The following PPM1L variants were observed in gnomAD, a reference collection of about 807,000 sequenced individuals.
PPM1L encodes the protein protein phosphatase, Mg2+/Mn2+ dependent 1L.
In PPM1L, 13 loss-of-function variants were observed where a neutral mutation model predicts 31.4. The observed-to-expected ratio is 0.41, with a 90% CI of 0.27 to 0.66. The LOEUF is 0.66. Ranked by LOEUF, PPM1L falls within the 30% of genes least tolerant of loss-of-function variation. PPM1L has a pLI of 0.29. For synonymous variants in PPM1L, 184 were observed against 175.4 expected (o/e 1.05, Z -0.39); for missense variants, 326 against 453.7 (o/e 0.72, Z 2.56).
chr3:160,833,151 T>G (rs1303474231), intron 1 of PPM1L, among the ~76,000 whole-genome samples: 2 of 152,278 alleles, frequency 1.3e-5, no homozygotes, highest in Non-Finnish European at 2.9e-5. Flanking sequence ...TACCACATTT[T>G]CTTTATCCAG....
intron 1 of PPM1L, among the ~76,000 whole-genome samples, chr3:160,800,508 A>G (rs1712392111): frequency 6.6e-6 from 1 of 152,138 alleles, no homozygotes; most frequent in South Asian, 2.1e-4. Context: ...TGATATCAAG[A>G]ATGTTTTGGA....
intron 1 of PPM1L, among the ~76,000 whole-genome samples, chr3:160,894,908 A>G (rs1473192173): frequency 6.6e-6 from 1 of 152,172 alleles, no homozygotes; most frequent in African/African-American, 2.4e-5. Flanking sequence ...TTCACTTTGT[A>G]TAAACTTAAT....
chr3:161,017,423 A>G (rs1169525988), intron 2 of PPM1L, among the ~76,000 whole-genome samples: 1 of 152,274 alleles, frequency 6.6e-6, no homozygotes, highest in East Asian at 1.9e-4. Context: ...CTTCAGTAGC[A>G]TTTTCATTTC....
chr3:160,913,381 A>G (rs1423796427), intron 1 of PPM1L, among the ~76,000 whole-genome samples: 2 of 152,196 alleles, frequency 1.3e-5, no homozygotes, highest in Admixed American at 6.5e-5. Context: ...TGTTAGCATG[A>G]AACTACTTTT....
At chr3:160,835,803 T>A (rs1713697360) in intron 1 of PPM1L, among the ~76,000 whole-genome samples, 1 of 152,220 alleles carries the variant, frequency 6.6e-6, no homozygotes, top group South Asian at 2.1e-4. Context: ...GGGAATATGA[T>A]CAAGAGTTCT....
chr3:160,967,587 C>T (rs1716196973), intron 2 of PPM1L, among the ~76,000 whole-genome samples: 1 of 152,042 alleles, frequency 6.6e-6, no homozygotes, highest in Non-Finnish European at 1.5e-5. Context: ...CAGCATCCCC[C>T]ACCTCATAAT....
chr3:161,060,505 T>C (rs1719536901), intron 2 of PPM1L, among the ~76,000 whole-genome samples: 1 of 152,072 alleles, frequency 6.6e-6, no homozygotes, highest in African/African-American at 2.4e-5. Flanking sequence ...GAGAACAAAC[T>C]GGAAGGGTTT....
Position 161,069,198 on chromosome 3 carries a change from C to G in PPM1L, c.*41C>G. On this transcript the variant is annotated 3_prime_UTR_variant, in exon 4 of 4. Transcript: ENST00000498165. Reference sequence around the variant, plus strand: ...CAGCTGCCTTAGACTAAAGGACTTTCAACACACTGGTCTCTTTTAATTTAG... The same window carrying G: ...CAGCTGCCTTAGACTAAAGGACTTTGAACACACTGGTCTCTTTTAATTTAG... The G allele has an allele frequency of 7.1e-7, 1 of 1,407,986 alleles. No homozygotes were observed. The highest frequency in any genetic ancestry group is 1.3e-5 in the South Asian group (1 of 77,432). The allele number at this position is 1,407,986 out of a possible 1,614,324, so 87.2% of individuals were successfully genotyped here.
intron 1 of PPM1L, among the ~76,000 whole-genome samples, chr3:160,911,571 TC>T (rs2108063065): frequency 1.3e-5 from 2 of 152,318 alleles, no homozygotes; most frequent in South Asian, 4.1e-4. Flanking sequence ...CTGCCTGGGC[TC>T]CTTTTACTGA....
In PPM1L at chr3:161,078,557, TACA is replaced by T. The variant is rs1161081183; in HGVS notation, c.*9405_*9407del. ...TTTCCTGAAAACCATCCATGATAAA[TACA>T]ACAAGGCTTGGCGAAACCTCATTAC... On this transcript the variant is annotated 3_prime_UTR_variant, in exon 4 of 4. Coordinates refer to ENST00000498165, the MANE Select transcript of PPM1L (RefSeq NM_139245.4). 2 of 152,208 alleles carry T rather than the reference TACA, an allele frequency of 1.3e-5. No homozygotes were observed. Among genetic ancestry groups the T allele is most frequent in the African/African-American group, 2.4e-5 (1 of 41,454 alleles). 9.4% of individuals were successfully genotyped at this position (152,208 alleles called of 1,614,324 possible). A position where few individuals can be genotyped will look rare whatever the true frequency, so the allele number is the denominator to read the frequency against.
rs113535865 is a variant in PPM1L at position 160,843,426 on chromosome 3, T to A, written c.399+86719T>A. 3.7e-3 allele frequency among the ~76,000 whole-genome samples: 176 copies of A among 47,504 alleles called. 7 individuals carry two copies. The highest frequency in any genetic ancestry group is 0.012 in the African/African-American group (167 of 13,810). The allele number at this position is 47,504 out of a possible 152,430, so 31.2% of individuals were successfully genotyped here. ...TTTTTGTGTGTGTATGGCAATTCTT[T>A]TATATATATATATATATATATATAT... On this transcript the variant is annotated intron_variant, in intron 1 of 3. Coordinates refer to ENST00000498165, the MANE Select transcript of PPM1L (RefSeq NM_139245.4).
At chr3:160,789,401 C>T (rs1712032613) in intron 1 of PPM1L, among the ~76,000 whole-genome samples, 1 of 151,868 alleles carries the variant, frequency 6.6e-6, no homozygotes, top group Non-Finnish European at 1.5e-5. Context: ...TTTTGCCTCT[C>T]ACTCTTCTAT....
chr3:160,808,887 T>C (rs1191174047), intron 1 of PPM1L, among the ~76,000 whole-genome samples: 1 of 152,228 alleles, frequency 6.6e-6, no homozygotes, highest in African/African-American at 2.4e-5. Context: ...TGGGGCATTC[T>C]ACCTTCCTGG....
intron 1 of PPM1L, among the ~76,000 whole-genome samples, chr3:160,792,960 T>C (rs1712145412): frequency 6.6e-6 from 1 of 152,310 alleles, no homozygotes; most frequent in East Asian, 1.9e-4. Flanking sequence ...TTTGGGGTTG[T>C]GTGATGTTTT....
intron 1 of PPM1L, among the ~76,000 whole-genome samples, chr3:160,919,363 A>C (rs1023423661): frequency 7.2e-5 from 11 of 152,148 alleles, no homozygotes; most frequent in Admixed American, 2.6e-4. Flanking sequence ...CTTTCTTCCA[A>C]AATAGGATAT....
intron 2 of PPM1L, among the ~76,000 whole-genome samples, chr3:161,041,928 A>C (rs918748750): frequency 3.9e-5 from 6 of 152,216 alleles, no homozygotes; most frequent in Non-Finnish European, 5.9e-5. Context: ...ACTAGTCATC[A>C]TCATTGTTAA....
chr3:160,998,643 A>T lies in PPM1L; in HGVS notation c.574+36733A>T, dbSNP rs1301623512. ...CTGGATGACATTTTGATGTCATGGA[A>T]ATTGAACAAGAGTAAATAAATGTAT... On this transcript the variant is annotated intron_variant, in intron 2 of 3. Transcript: ENST00000498165. 2.0e-5 allele frequency among the ~76,000 whole-genome samples: 3 copies of T among 152,290 alleles called. No individual in the cohort carries two copies. In the East Asian group the frequency reaches 5.8e-4, roughly 29 times the overall value.
At chr3:160,768,174 T>C (rs1168908358) in intron 1 of PPM1L, among the ~76,000 whole-genome samples, 1 of 152,220 alleles carries the variant, frequency 6.6e-6, no homozygotes, top group African/African-American at 2.4e-5. Flanking sequence ...TTTGTCTTTC[T>C]GAGTTTTCTC....
At chr3:160,892,664 TAAAAAAGAAAA>T (rs1713197212) in intron 1 of PPM1L, among the ~76,000 whole-genome samples, 1 of 150,798 alleles carries the variant, frequency 6.6e-6, no homozygotes. Context: ...TTATGAAATA[TAAAAAAGAAAA>T]AAAAAAGAAA....
Sources: allele counts gnomAD v4.1 joint callset (sites outside exome capture counted in the v4.1 genomes callset), GRCh38; gene constraint gnomAD v4.1.1; transcripts MANE v1.5; gene names NCBI Gene and HGNC (gene_info 2026-07-23, HGNC 2026-07-21).